Variants in PLCG2 observed in about 807,000 individuals in gnomAD.
The protein encoded by PLCG2 is 1-phosphatidylinositol 4,5-bisphosphate phosphodiesterase gamma-2.
Under a neutral mutation model 175.6 loss-of-function variants are expected in PLCG2, and 69 were observed. That is an observed-to-expected ratio of 0.39 (90% CI 0.32 to 0.48). The LOEUF is 0.48. Ranked by LOEUF, PLCG2 falls within the 20% of genes least tolerant of loss-of-function variation. PLCG2 has a pLI of 0.91. For synonymous variants in PLCG2, 827 were observed against 624.0 expected, an observed-to-expected ratio of 1.33 and a Z score of -4.85; for missense variants, 1,798 against 1,650.9, an observed-to-expected ratio of 1.09 and a Z score of -1.54.
chr16:81,932,253 C>G lies in PLCG2; in HGVS notation c.2739+599C>G, dbSNP rs1051350249. 8.0e-5 allele frequency among the ~76,000 whole-genome samples: 8 copies of G among 100,460 alleles called. No homozygotes were observed. In the Admixed American group the frequency reaches 9.8e-4, roughly 12 times the overall value. The allele number at this position is 100,460 out of a possible 152,430, so 65.9% of individuals were successfully genotyped here. On this transcript the variant is annotated intron_variant, in intron 25 of 32. Coordinates refer to ENST00000564138, the MANE Select transcript of PLCG2 (RefSeq NM_002661.5). ...AATTGGGCAGACTGGAGTTTGCATC[C>G]TGGCAGGGCTGGACCCTGGGCAAGT...
intron 2 of PLCG2, among the ~76,000 whole-genome samples, chr16:81,789,189 C>T (rs1484123415): frequency 3.9e-5 from 6 of 152,352 alleles, no homozygotes; most frequent in African/African-American, 1.4e-4. Context: ...TTCTGAAGCT[C>T]ATTGTGATGG....
intron 2 of PLCG2, among the ~76,000 whole-genome samples, chr16:81,770,577 T>A (rs1459997529): frequency 6.6e-6 from 1 of 151,922 alleles, no homozygotes; most frequent in Non-Finnish European, 1.5e-5. Flanking sequence ...TAGCCAGGCT[T>A]GGTGATGTGT....
intron 3 of PLCG2, 63 bp downstream of exon 3, chr16:81,854,650 G>C: frequency 6.8e-7 from 1 of 1,467,934 alleles, no homozygotes. Flanking sequence ...GAAGAAGTTC[G>C]CTAATAGCAG....
At chr16:81,751,029 G>A (rs1414484913) in intron 1 of PLCG2, among the ~76,000 whole-genome samples, 1 of 138,234 alleles carries the variant, frequency 7.2e-6, no homozygotes, top group African/African-American at 2.8e-5. Context: ...TGTCCAGACT[G>A]GAGTACGGTA....
chr16:81,805,239 C>G (rs751266386), intron 2 of PLCG2, among the ~76,000 whole-genome samples: 51 of 152,136 alleles, frequency 3.4e-4, no homozygotes, highest in Non-Finnish European at 6.6e-4. Flanking sequence ...GTAGCTCATG[C>G]CTGTAATCCC....
intron 1 of PLCG2, among the ~76,000 whole-genome samples, chr16:81,742,030 C>A (rs1227547089): frequency 6.6e-6 from 1 of 150,976 alleles, no homozygotes; most frequent in Non-Finnish European, 1.5e-5. Context: ...TCCCTATCCT[C>A]CCCTCCCTCC....
Position 81,958,497 on chromosome 16 carries a change from A to G in PLCG2, c.*499A>G, listed in dbSNP as rs1358035733. Reference sequence around the variant, plus strand: ...GGGCCCAAAGAGAAGCCCTACCCACAGGCAGCCTGCTCAGTTCAATGTACT... The same window carrying G: ...GGGCCCAAAGAGAAGCCCTACCCACGGGCAGCCTGCTCAGTTCAATGTACT... On this transcript the variant is annotated 3_prime_UTR_variant, in exon 33 of 33. Coordinates refer to ENST00000564138, the MANE Select transcript of PLCG2 (RefSeq NM_002661.5). 4.2e-6 allele frequency: 1 copy of G among 235,830 alleles called. No individual in the cohort carries two copies. Among genetic ancestry groups the G allele is most frequent in the Non-Finnish European group, 8.4e-6 (1 of 119,740 alleles). The allele number at this position is 235,830 out of a possible 1,614,324, so 14.6% of individuals were successfully genotyped here. A position where few individuals can be genotyped will look rare whatever the true frequency, so the allele number is the denominator to read the frequency against.
chr16:81,856,621 T>C (rs74884412), intron 3 of PLCG2, among the ~76,000 whole-genome samples: 6,529 of 152,224 alleles, frequency 0.043, 448 homozygotes, highest in African/African-American at 0.15. Context: ...TTAGTTAGCA[T>C]AGGGTTAAAA....
At chr16:81,751,958 G>T (rs1478699997) in intron 1 of PLCG2, among the ~76,000 whole-genome samples, 1 of 152,006 alleles carries the variant, frequency 6.6e-6, no homozygotes, top group South Asian at 2.1e-4. Context: ...GGAGGCGGAG[G>T]TTGCAGTGAG....
chr16:81,803,682 TTTTC>T (rs1427220416), intron 2 of PLCG2, among the ~76,000 whole-genome samples: 8 of 131,456 alleles, frequency 6.1e-5, no homozygotes, highest in African/African-American at 2.2e-4. Flanking sequence ...CCTTCCTTCC[TTTTC>T]TTTCTTTCTT....
At chr16:81,927,878 G>T (rs1910340824) in intron 23 of PLCG2, among the ~76,000 whole-genome samples, 1 of 152,188 alleles carries the variant, frequency 6.6e-6, no homozygotes, top group South Asian at 2.1e-4. Flanking sequence ...TGGGAATGTG[G>T]TTGTGTTCCG....
At chr16:81,757,478 C>A (rs1031714698) in intron 2 of PLCG2, among the ~76,000 whole-genome samples, 1 of 151,960 alleles carries the variant, frequency 6.6e-6, no homozygotes, top group Non-Finnish European at 1.5e-5. Context: ...GCAAGAGAAT[C>A]GCTTGAATCC....
chr16:81,909,618 C>T (rs551027211), intron 17 of PLCG2, among the ~76,000 whole-genome samples: 5 of 152,312 alleles, frequency 3.3e-5, no homozygotes, highest in East Asian at 1.9e-4. Context: ...AGTCTCACTA[C>T]GTTGCCCAGG....
At chr16:81,806,184 G>A (rs1912013954) in intron 2 of PLCG2, among the ~76,000 whole-genome samples, 1 of 151,926 alleles carries the variant, frequency 6.6e-6, no homozygotes, top group Non-Finnish European at 1.5e-5. Flanking sequence ...GTGTTCAAAA[G>A]CCACATGTGG....
chr16:81,771,991 C>A (rs1015270915), intron 2 of PLCG2, among the ~76,000 whole-genome samples: 1 of 152,098 alleles, frequency 6.6e-6, no homozygotes, highest in Admixed American at 6.6e-5. Flanking sequence ...CCATGTTGGC[C>A]AGGCTGGTCT....
intron 3 of PLCG2, among the ~76,000 whole-genome samples, chr16:81,855,631 T>TC (rs1330267854): frequency 1.3e-5 from 2 of 152,334 alleles, no homozygotes; most frequent in East Asian, 1.9e-4. Context: ...CTCAGTCGAC[T>TC]TGGGGAGACA....
chr16:81,907,629 C>T (rs771095478), intron 15 of PLCG2, 56 bp from the exon 16 acceptor site: 1 of 1,296,246 alleles, frequency 7.7e-7, no homozygotes, highest in Non-Finnish European at 1.1e-6. Flanking sequence ...CTCCTGGGCT[C>T]CACAGTTGAT....
At chr16:81,774,381 C>T (rs981083699), upstream of PLCG2, among the ~76,000 whole-genome samples, 6 of 151,936 alleles carry the variant, frequency 3.9e-5, no homozygotes, top group African/African-American at 1.5e-4. Context: ...ACCGGGGGCT[C>T]CACCAAGCTG....
intron 2 of PLCG2, among the ~76,000 whole-genome samples, chr16:81,830,555 G>A (rs1403999656): frequency 6.6e-6 from 1 of 151,968 alleles, no homozygotes; most frequent in African/African-American, 2.4e-5. Context: ...TGATCCATAG[G>A]CCTCAGCCTC....
Sources: gnomAD v4.1 joint callset for allele counts (sites outside exome capture counted in the v4.1 genomes callset) on GRCh38, gnomAD v4.1.1 for gene constraint, MANE v1.5 for transcripts, NCBI Gene and HGNC (gene_info 2026-07-23, HGNC 2026-07-21) for gene names.